Variants in OPCML observed in about 807,000 individuals in gnomAD.
OPCML encodes opioid binding protein/cell adhesion molecule like.
In OPCML, 13 loss-of-function variants were observed where a neutral mutation model predicts 37.8. The ratio of observed to expected loss-of-function variants is 0.34; its 90% confidence interval spans 0.22 to 0.55. The LOEUF (loss-of-function observed/expected upper bound fraction) is 0.55, where lower values mean the gene tolerates loss of function less well. OPCML is among the 20% of genes least tolerant of loss of function. OPCML has a pLI of 0.91. For missense variants in OPCML, 341 were observed against 435.6 expected, an observed-to-expected ratio of 0.78 and a Z score of 1.93; for synonymous variants, 176 against 168.8, an observed-to-expected ratio of 1.04 and a Z score of -0.33.
At position 133,501,616 on chromosome 11, in the gene OPCML, T is replaced by C. The variant is rs184592369; in HGVS notation, c.61+30648A>G. ...CCTTCCCCCACCCCAATTGGCTTGA[T>C]AAGGAACTACTTGGGGGAAGTCAGT... On this transcript the variant is annotated intron_variant, in intron 1 of 7. Transcript: ENST00000524381. Among the ~76,000 whole-genome samples, 847 of 152,156 alleles carry C rather than the reference T, an allele frequency of 5.6e-3. 9 individuals carry two copies. Among genetic ancestry groups the C allele is most frequent in the Non-Finnish European group, 8.3e-3 (561 of 67,996 alleles).
At chr11:132,701,905 G>A (rs761762980) in intron 2 of OPCML, among the ~76,000 whole-genome samples, 10 of 151,674 alleles carry the variant, frequency 6.6e-5, no homozygotes, top group Admixed American at 2.6e-4. Context: ...AGTTATAACC[G>A]TCTACTTTAA....
At chr11:133,429,066 T>C (rs940398149) in intron 1 of OPCML, among the ~76,000 whole-genome samples, 15 of 151,996 alleles carry the variant, frequency 9.9e-5, no homozygotes, top group African/African-American at 3.4e-4. Flanking sequence ...AGTAACATAG[T>C]GGGTATGGAA....
At chr11:133,372,630 T>C (rs1944698174) in intron 1 of OPCML, among the ~76,000 whole-genome samples, 1 of 152,226 alleles carries the variant, frequency 6.6e-6, no homozygotes, top group Non-Finnish European at 1.5e-5. Flanking sequence ...AGCAAGCTAA[T>C]GTATGTGGAT....
rs928789459 is a variant in OPCML, at chr11:133,371,042, A to T, written c.61+161222T>A. On this transcript the variant is annotated intron_variant, in intron 1 of 7. Transcript: ENST00000524381. ...ATAGATATTTCTCAAAAGAAGACAT[A>T]CGAATGACCAACAGGTATGTGAAAA... Among the ~76,000 whole-genome samples, 5 of 152,352 alleles carry T rather than the reference A, an allele frequency of 3.3e-5. No individual in the cohort carries two copies. The South Asian group carries it at 1.0e-3, about 32-fold the overall frequency.
At chr11:132,923,260 G>A (rs780325632) in intron 2 of OPCML, among the ~76,000 whole-genome samples, 1 of 151,996 alleles carries the variant, frequency 6.6e-6, no homozygotes, top group Non-Finnish European at 1.5e-5. Flanking sequence ...AAAAAATAGT[G>A]CACCAAACTA....
At chr11:132,435,115 G>C in intron 7 of OPCML, 1 of 1,122,294 alleles carries the variant, frequency 8.9e-7, no homozygotes, top group Non-Finnish European at 1.2e-6. Flanking sequence ...CAAAGGCATA[G>C]GCATTCAGGC....
intron 1 of OPCML, among the ~76,000 whole-genome samples, chr11:133,143,852 C>T (rs1949859921): frequency 6.6e-6 from 1 of 152,226 alleles, no homozygotes; most frequent in Admixed American, 6.5e-5. Flanking sequence ...TGCTGTGATA[C>T]TAGCTGCAAT....
intron 2 of OPCML, among the ~76,000 whole-genome samples, chr11:132,778,524 A>G (rs1268354847): frequency 1.3e-5 from 2 of 152,268 alleles, no homozygotes; most frequent in Non-Finnish European, 1.5e-5. Context: ...ACTTATTTGT[A>G]CAGCAAGTAA....
At chr11:132,554,891 T>TTTTTTTTTTTTTTC (rs1555152066) in intron 3 of OPCML, among the ~76,000 whole-genome samples, 1 of 138,896 alleles carries the variant, frequency 7.2e-6, no homozygotes, top group African/African-American at 2.9e-5. Flanking sequence ...TTTTTTTTTT[T>TTTTTTTTTTTTTTC]CATTAGCTCT....
chr11:133,082,177 C>T (rs1333573179), intron 1 of OPCML, among the ~76,000 whole-genome samples: 3 of 151,856 alleles, frequency 2.0e-5, no homozygotes, highest in Non-Finnish European at 2.9e-5. Flanking sequence ...GCCTCCGCCT[C>T]GGCTCCCCTC....
chr11:133,163,497 A>C (rs559765539), intron 1 of OPCML, among the ~76,000 whole-genome samples: 1 of 152,310 alleles, frequency 6.6e-6, no homozygotes, highest in East Asian at 1.9e-4. Flanking sequence ...AGACGTTTAA[A>C]AGGCAGGAGT....
intron 3 of OPCML, among the ~76,000 whole-genome samples, chr11:132,599,521 G>A (rs1937705830): frequency 6.6e-6 from 1 of 152,090 alleles, no homozygotes; most frequent in East Asian, 1.9e-4. Context: ...ATAAACCGAA[G>A]CTCTCTGACA....
chr11:133,210,394 C>T (rs559232832), intron 1 of OPCML, among the ~76,000 whole-genome samples: 6 of 152,286 alleles, frequency 3.9e-5, no homozygotes, highest in African/African-American at 1.2e-4. Context: ...CCGCCAGCCC[C>T]TCCCTTCTCT....
chr11:133,180,079 A>C (rs1937752228), intron 1 of OPCML, among the ~76,000 whole-genome samples: 1 of 152,182 alleles, frequency 6.6e-6, no homozygotes, highest in Non-Finnish European at 1.5e-5. Context: ...AAAAGGCCAG[A>C]AGACTAGGGT....
At chr11:132,480,235 G>C (rs2096174617) in intron 4 of OPCML, among the ~76,000 whole-genome samples, 2 of 152,176 alleles carry the variant, frequency 1.3e-5, no homozygotes, top group South Asian at 4.1e-4. Flanking sequence ...GAAGCCTCAG[G>C]AGCCGATGCA....
chr11:132,543,442 G>A (rs925804476), intron 3 of OPCML, among the ~76,000 whole-genome samples: 5 of 151,992 alleles, frequency 3.3e-5, no homozygotes, highest in African/African-American at 1.2e-4. Context: ...GAACCCAAGA[G>A]TTCAAGGCTA....
chr11:133,357,609 A>G (rs974957938), intron 1 of OPCML, among the ~76,000 whole-genome samples: 3 of 152,182 alleles, frequency 2.0e-5, no homozygotes, highest in Non-Finnish European at 4.4e-5. Context: ...GAAAATCAAG[A>G]ATGTCCAGTG....
chr11:132,839,509 G>C (rs1941194650), intron 2 of OPCML, among the ~76,000 whole-genome samples: 1 of 152,200 alleles, frequency 6.6e-6, no homozygotes, highest in Non-Finnish European at 1.5e-5. Flanking sequence ...TTTATAATAA[G>C]TTTGTGCAGG....
At chr11:133,002,835 T>C (rs186277507) in intron 1 of OPCML, among the ~76,000 whole-genome samples, 193 of 152,170 alleles carry the variant, frequency 1.3e-3, no homozygotes, top group Non-Finnish European at 2.3e-3. Context: ...AGTTGACCAA[T>C]CCTATAAGAC....
Sources: gnomAD v4.1 joint callset for allele counts (sites outside exome capture counted in the v4.1 genomes callset) on GRCh38, gnomAD v4.1.1 for gene constraint, MANE v1.5 for transcripts, NCBI Gene and HGNC (gene_info 2026-07-23, HGNC 2026-07-21) for gene names.